Variants in CMTM4 observed in about 807,000 individuals in gnomAD.
The protein encoded by CMTM4 is CKLF like MARVEL transmembrane domain containing 4.
In CMTM4, 8 loss-of-function variants were observed where a neutral mutation model predicts 19.0. That is an observed-to-expected ratio of 0.42 (90% CI 0.25 to 0.76). CMTM4 has a LOEUF of 0.76. Among genes scored for constraint, CMTM4 ranks in the 30% least tolerant of loss-of-function variants. The probability of loss-of-function intolerance (pLI) is 0.27; values close to 1 mark genes in which losing one functional copy is unlikely to be tolerated. For missense variants in CMTM4, 228 were observed against 290.2 expected, an observed-to-expected ratio of 0.79 and a Z score of 1.56; for synonymous variants, 106 against 121.1, an observed-to-expected ratio of 0.88 and a Z score of 0.82.
At position 66,618,035 on chromosome 16, in the gene CMTM4, G is replaced by A. The variant is rs891889731; in HGVS notation, c.*4023C>T. 1.8e-5 allele frequency: 18 copies of A among 985,454 alleles called. No homozygotes were observed. The highest frequency in any genetic ancestry group is 1.1e-4 in the East Asian group (1 of 8,834). 61.0% of individuals were successfully genotyped at this position (985,454 alleles called of 1,614,324 possible). ...CCTCCCTTATCTCCCAGACCTGGCC[G>A]TGTGTGGACCTCACCAGCCTACCAA... On this transcript the variant is annotated 3_prime_UTR_variant, in exon 4 of 4. Transcript: ENST00000394106.
At chr16:66,629,654 G>C (rs1222014139) in intron 2 of CMTM4, among the ~76,000 whole-genome samples, 1 of 152,200 alleles carries the variant, frequency 6.6e-6, no homozygotes, top group African/African-American at 2.4e-5. Flanking sequence ...GTGGTAGACA[G>C]TTTCAGGATA....
chr16:66,656,884 C>T (rs957624727), intron 1 of CMTM4, among the ~76,000 whole-genome samples: 2 of 152,060 alleles, frequency 1.3e-5, no homozygotes, highest in African/African-American at 2.4e-5. Context: ...CAAAATAACT[C>T]GCCTGTATTC....
At chr16:66,679,936 A>C (rs2016877246) in intron 1 of CMTM4, among the ~76,000 whole-genome samples, 1 of 152,116 alleles carries the variant, frequency 6.6e-6, no homozygotes, top group African/African-American at 2.4e-5. Flanking sequence ...CTTGGAAGGT[A>C]GACTGCACAG....
chr16:66,610,024 C>A, downstream of CMTM4: 2 of 1,613,184 alleles, frequency 1.2e-6, no homozygotes, highest in Non-Finnish European at 1.7e-6. The surrounding 1 kb of genome is among the most constrained non-coding windows in gnomAD (Gnocchi z 4.6). Context: ...GCCCTGATCA[C>A]CCCAGCAGTG....
downstream of CMTM4, chr16:66,610,154 C>A: frequency 2.1e-6 from 2 of 945,998 alleles, no homozygotes; most frequent in Non-Finnish European, 3.2e-6. This position sits in a 1 kb window ranked among gnomAD's most constrained non-coding sequence, Gnocchi z 4.6. Flanking sequence ...TACCCTCATG[C>A]AGCACTGATC....
intron 1 of CMTM4, among the ~76,000 whole-genome samples, chr16:66,645,915 G>A (rs1461986956): frequency 6.6e-6 from 1 of 152,032 alleles, no homozygotes; most frequent in Non-Finnish European, 1.5e-5. Context: ...GGAAGTGGAG[G>A]TCACAGTGAG....
chr16:66,660,853 A>G (rs551200076), intron 1 of CMTM4, among the ~76,000 whole-genome samples: 2 of 152,052 alleles, frequency 1.3e-5, no homozygotes, highest in Non-Finnish European at 2.9e-5. Flanking sequence ...CCCCATAGTC[A>G]GCTCTTCCCT....
chr16:66,668,467 T>C (rs558701767), intron 1 of CMTM4, among the ~76,000 whole-genome samples: 1 of 152,342 alleles, frequency 6.6e-6, no homozygotes, highest in African/African-American at 2.4e-5. Flanking sequence ...TTCTTTACTA[T>C]TCTTAGAATA....
chr16:66,621,643 G>T lies in CMTM4; in HGVS notation c.*415C>A. 1 of 1,005,752 alleles carries T rather than the reference G, an allele frequency of 9.9e-7. No homozygotes were observed. The highest frequency in any genetic ancestry group is 1.2e-6 in the Non-Finnish European group (1 of 840,744). 62.3% of individuals were successfully genotyped at this position (1,005,752 alleles called of 1,614,324 possible). ...ACTCAACACTGACTTGGAGCAGGTG[G>T]TGCCTAAGGCTGCCTGAGAACCACT... On this transcript the variant is annotated 3_prime_UTR_variant, in exon 4 of 4. Transcript: ENST00000394106.
the CMTM4 span, among the ~76,000 whole-genome samples, chr16:66,601,083 TTGTGTGTG>T: frequency 6.8e-6 from 1 of 146,690 alleles, no homozygotes; most frequent in East Asian, 2.0e-4. Flanking sequence ...CTCCCATGGT[TTGTGTGTG>T]TGTGTGTGTG....
chr16:66,646,274 T>G lies in CMTM4; in HGVS notation c.187-9693A>C, dbSNP rs557218543. Among the ~76,000 whole-genome samples the G allele has an allele frequency of 2.0e-5, 3 of 152,278 alleles. No individual in the cohort carries two copies. In the South Asian group the frequency reaches 6.2e-4, roughly 32 times the overall value. The stretch of plus-strand genomic sequence containing the variant: ...TACCTCTCTATGGATTAGGATTAGG[T>G]GGGGAACAGGGGAATCACAGAGATT... On this transcript the variant is annotated intron_variant, in intron 1 of 3. Coordinates refer to ENST00000394106, the MANE Select transcript of CMTM4 (RefSeq NM_181521.3).
intron 1 of CMTM4, among the ~76,000 whole-genome samples, chr16:66,638,151 T>C (rs1419735320): frequency 1.7e-4 from 26 of 152,186 alleles, no homozygotes; most frequent in Admixed American, 1.5e-3. Flanking sequence ...GAAAGCTGGT[T>C]CATCTGTGAT....
At chr16:66,660,088 T>C (rs2016473577) in intron 1 of CMTM4, among the ~76,000 whole-genome samples, 1 of 151,862 alleles carries the variant, frequency 6.6e-6, no homozygotes, top group African/African-American at 2.4e-5. Context: ...ATTAGGAAAA[T>C]GCAAATTAAA....
At chr16:66,654,652 G>A (rs1019749874) in intron 1 of CMTM4, among the ~76,000 whole-genome samples, 6 of 152,156 alleles carry the variant, frequency 3.9e-5, no homozygotes, top group Non-Finnish European at 8.8e-5. Context: ...GGAGGCTCAC[G>A]GCCCTGGCCC....
Position 66,616,692 on chromosome 16 carries a change from A to AAAAGCAGGCAAGC in CMTM4, c.*5353_*5365dup, listed in dbSNP as rs373435297. The AAAAGCAGGCAAGC allele has an allele frequency of 6.6e-6, 1 of 152,260 alleles. No homozygotes were observed. Among genetic ancestry groups the AAAAGCAGGCAAGC allele is most frequent in the South Asian group, 2.1e-4 (1 of 4,836 alleles). The allele number at this position is 152,260 out of a possible 1,614,324, so 9.4% of individuals were successfully genotyped here. A position where few individuals can be genotyped will look rare whatever the true frequency, so the allele number is the denominator to read the frequency against. On this transcript the variant is annotated 3_prime_UTR_variant, in exon 4 of 4. Coordinates refer to ENST00000394106, the MANE Select transcript of CMTM4 (RefSeq NM_181521.3). ...TGAAGCTTGCAAAATCGATTCTGGA[A>AAAAGCAGGCAAGC]AAAGCAGGCAAGCAAAGCAGGGCCT... is the stretch of plus-strand genomic sequence containing the variant.
At chr16:66,608,431 T>TGACA in the CMTM4 span, 1 of 1,614,184 alleles carries the variant, frequency 6.2e-7, no homozygotes, top group Non-Finnish European at 8.5e-7. This position sits in a 1 kb window ranked among gnomAD's most constrained non-coding sequence, Gnocchi z 5.1. Context: ...TGCAGCTGAA[T>TGACA]GACAAGTGGC....
Position 66,617,655 on chromosome 16 carries a change from G to A in CMTM4, c.*4403C>T. The A allele has an allele frequency of 8.9e-7, 1 of 1,124,002 alleles. No homozygotes were observed. The highest frequency in any genetic ancestry group is 1.1e-6 in the Non-Finnish European group (1 of 913,496). 69.6% of individuals were successfully genotyped at this position (1,124,002 alleles called of 1,614,324 possible). A position where few individuals can be genotyped will look rare whatever the true frequency, so the allele number is the denominator to read the frequency against. On this transcript the variant is annotated 3_prime_UTR_variant, in exon 4 of 4. Coordinates refer to ENST00000394106, the MANE Select transcript of CMTM4 (RefSeq NM_181521.3). ...CTCAACCAGACAGTTCTTGTGACTT[G>A]AATGATATCTGCTGAGAAGAGAAGA... is the stretch of plus-strand genomic sequence containing the variant.
intron 2 of CMTM4, among the ~76,000 whole-genome samples, chr16:66,628,358 A>G (rs1228191599): frequency 6.6e-6 from 1 of 152,130 alleles, no homozygotes; most frequent in Non-Finnish European, 1.5e-5. Flanking sequence ...ATGAGGCTGT[A>G]TTTCAGACTA....
Position 66,678,308 on chromosome 16 carries a change from G to C in CMTM4, c.186+18032C>G, listed in dbSNP as rs1213067020. 7.2e-5 allele frequency among the ~76,000 whole-genome samples: 11 copies of C among 152,228 alleles called. No homozygotes were observed. The East Asian group carries it at 2.1e-3, about 29-fold the overall frequency. ...GATGCAGGGCTCCCCTCTCAGGCTA[G>C]AGGAACAGAGGAAAGGGAGAGAAAG... On this transcript the variant is annotated intron_variant, in intron 1 of 3. Coordinates refer to ENST00000394106, the MANE Select transcript of CMTM4 (RefSeq NM_181521.3).
Sources: gnomAD v4.1 joint callset for allele counts (sites outside exome capture counted in the v4.1 genomes callset) on GRCh38, gnomAD v4.1.1 for gene constraint, Gnocchi (gnomAD v3.1) non-coding constraint, MANE v1.5 for transcripts, NCBI Gene and HGNC (gene_info 2026-07-23, HGNC 2026-07-21) for gene names.